SORCS1: variants seen among roughly 807,000 people sequenced by gnomAD.
SORCS1 encodes the protein sortilin related VPS10 domain containing receptor 1.
In SORCS1, 60 loss-of-function variants were observed where a neutral mutation model predicts 146.1. That is an observed-to-expected ratio of 0.41 (90% confidence interval 0.33 to 0.51). The LOEUF (loss-of-function observed/expected upper bound fraction) is 0.51. SORCS1 is among the 20% of genes least tolerant of loss of function. The pLI is 0.21. For synonymous variants in SORCS1, 637 were observed against 584.0 expected (o/e 1.09, Z -1.31); for missense variants, 1,352 against 1,487.6 (o/e 0.91, Z 1.50).
At chr10:106,632,366 T>A (rs1336221473) in intron 18 of SORCS1, among the ~76,000 whole-genome samples, 1 of 152,210 alleles carries the variant, frequency 6.6e-6, no homozygotes, top group Non-Finnish European at 1.5e-5. Context: ...AGGTAAGTGG[T>A]AAGGCTACGG....
At chr10:106,713,422 T>C (rs562879499) in intron 6 of SORCS1, among the ~76,000 whole-genome samples, 1 of 150,866 alleles carries the variant, frequency 6.6e-6, no homozygotes, top group East Asian at 1.9e-4. Flanking sequence ...TTTGTATTAG[T>C]GTCTGATGGC....
Position 106,671,275 on chromosome 10 carries a change from T to C in SORCS1, c.2151A>G (p.Glu717=). The C allele has an allele frequency of 6.2e-7, 1 of 1,614,164 alleles. No homozygotes were observed. Among genetic ancestry groups the C allele is most frequent in the South Asian group, 1.1e-5 (1 of 91,086 alleles). The part of the protein sequence containing the change: ...CMQGKYAGAM[E]SEPCVCTEAD... ...CCTCAGTGCAGACACAGGGTTCAGATTCCATAGCTCCTGCATATTTTCCTT... is the reference window on the plus strand; with the variant it reads ...CCTCAGTGCAGACACAGGGTTCAGACTCCATAGCTCCTGCATATTTTCCTT... Residue 717 remains glutamate, a synonymous_variant, in exon 16 of 26, where the codon GAA becomes GAG. Coordinates refer to ENST00000263054, the MANE Select transcript of SORCS1 (RefSeq NM_052918.5).
Position 106,620,270 on chromosome 10 carries a change from A to G in SORCS1, c.2796+158T>C, listed in dbSNP as rs1847651122. ...GGCCAGAGAGAGAGAGAGAGAGAAC[A>G]TAATGATGAGATACTTGAGCACCAA... On this transcript the variant is annotated intron_variant, in intron 20 of 25. Transcript: ENST00000263054. 4 of 824,008 alleles carry G rather than the reference A, an allele frequency of 4.9e-6. No individual in the cohort carries two copies. The South Asian group carries it at 8.6e-5, about 18-fold the overall frequency. 51.0% of individuals were successfully genotyped at this position (824,008 alleles called of 1,614,324 possible).
At chr10:106,938,885 G>T (rs764897412) in intron 2 of SORCS1, among the ~76,000 whole-genome samples, 17 of 152,130 alleles carry the variant, frequency 1.1e-4, no homozygotes, top group Non-Finnish European at 1.9e-4. Flanking sequence ...GTTATTGTAG[G>T]CTGGGACATC....
the SORCS1 span, among the ~76,000 whole-genome samples, chr10:107,170,381 G>C: frequency 6.6e-6 from 1 of 152,246 alleles, no homozygotes; most frequent in South Asian, 2.1e-4. Flanking sequence ...CTAGAGGAGA[G>C]AAGACAAAAG....
intron 1 of SORCS1, among the ~76,000 whole-genome samples, chr10:107,061,325 A>G (rs1216084611): frequency 6.6e-6 from 1 of 152,210 alleles, no homozygotes; most frequent in Non-Finnish European, 1.5e-5. Context: ...GTATCATAAC[A>G]AAAAACTACA....
chr10:106,986,511 C>CGT (rs58888609), intron 1 of SORCS1, among the ~76,000 whole-genome samples: 10,903 of 148,224 alleles, frequency 0.074, 662 homozygotes, highest in East Asian at 0.26. Flanking sequence ...TATATACAAC[C>CGT]GTGTGTGTGT....
At position 106,663,271 on chromosome 10, in the gene SORCS1, A is replaced by G. The variant is rs1013759661; in HGVS notation, c.2303+4418T>C. Among the ~76,000 whole-genome samples, 3 of 152,338 alleles carry G rather than the reference A, an allele frequency of 2.0e-5. No homozygotes were observed. In the East Asian group the frequency reaches 5.8e-4, roughly 29 times the overall value. ...ATATTTTTGAATGAAAAAGGAAAAT[A>G]GAAGAACAATGTATCTAGTAGGAAA... On this transcript the variant is annotated intron_variant, in intron 17 of 25. Coordinates refer to ENST00000263054, the MANE Select transcript of SORCS1 (RefSeq NM_052918.5).
At chr10:107,107,098 A>C (rs956746185) in intron 1 of SORCS1, among the ~76,000 whole-genome samples, 2 of 152,220 alleles carry the variant, frequency 1.3e-5, no homozygotes, top group Non-Finnish European at 2.9e-5. Flanking sequence ...GAGTGCTGCT[A>C]TCCCAAACAC....
the SORCS1 span, among the ~76,000 whole-genome samples, chr10:107,174,133 A>G: frequency 6.6e-6 from 1 of 152,110 alleles, no homozygotes; most frequent in Non-Finnish European, 1.5e-5. Context: ...ATTTTTCTGC[A>G]TTTATTTTGA....
intron 2 of SORCS1, among the ~76,000 whole-genome samples, chr10:106,892,869 G>GA (rs1409003928): frequency 1.4e-5 from 2 of 143,064 alleles, no homozygotes; most frequent in Non-Finnish European, 3.0e-5. Context: ...TAAAATCACA[G>GA]AAAAAAAAGA....
chr10:106,850,550 G>A (rs1220636864), intron 2 of SORCS1, among the ~76,000 whole-genome samples: 2 of 152,234 alleles, frequency 1.3e-5, no homozygotes, highest in East Asian at 1.9e-4. Context: ...CGTCTTCTGC[G>A]TTGCTCACGC....
intron 18 of SORCS1, among the ~76,000 whole-genome samples, chr10:106,640,282 T>C (rs1393072708): frequency 6.6e-6 from 1 of 152,218 alleles, no homozygotes; most frequent in African/African-American, 2.4e-5. Flanking sequence ...AGTCTTTCAA[T>C]GTATGTGAAA....
At chr10:106,982,437 A>T (rs1464731509) in intron 1 of SORCS1, among the ~76,000 whole-genome samples, 1 of 152,176 alleles carries the variant, frequency 6.6e-6, no homozygotes, top group Non-Finnish European at 1.5e-5. Flanking sequence ...ATTTCACAGT[A>T]TGTTAGTCCG....
At chr10:107,145,678 T>A (rs1968264889) in intron 1 of SORCS1, among the ~76,000 whole-genome samples, 1 of 152,138 alleles carries the variant, frequency 6.6e-6, no homozygotes, top group Admixed American at 6.6e-5. Context: ...TAAATCAAGG[T>A]CAGACAATTC....
At chr10:106,823,856 T>G (rs1357597997) in intron 3 of SORCS1, among the ~76,000 whole-genome samples, 1 of 152,196 alleles carries the variant, frequency 6.6e-6, no homozygotes, top group African/African-American at 2.4e-5. Context: ...GACAAGTCAC[T>G]AAACTCTCTG....
chr10:106,994,458 G>A (rs935330785), intron 1 of SORCS1, among the ~76,000 whole-genome samples: 4 of 152,136 alleles, frequency 2.6e-5, no homozygotes, highest in Admixed American at 2.6e-4. Context: ...TATCAAATAA[G>A]GATGGCATAG....
In SORCS1 at chr10:106,575,313, T is replaced by G. The variant is rs796669530; in HGVS notation, c.*2107A>C. The G allele has an allele frequency of 1.8e-4, 27 of 152,384 alleles. No individual in the cohort carries two copies. The highest frequency in any genetic ancestry group is 6.5e-4 in the African/African-American group (27 of 41,568). The allele number at this position is 152,384 out of a possible 1,614,324, so 9.4% of individuals were successfully genotyped here. ...CATAAACATCTCTGCCTGACAAACT[T>G]CTGACAGCAGCTTTGCTATTCTTTC... On this transcript the variant is annotated 3_prime_UTR_variant, in exon 26 of 26. Transcript: ENST00000263054.
the SORCS1 span, among the ~76,000 whole-genome samples, chr10:107,169,896 C>G: frequency 2.0e-5 from 3 of 152,046 alleles, no homozygotes; most frequent in Non-Finnish European, 2.9e-5. Context: ...ACAATCATTT[C>G]AGGTTTCAAA....
Sources: allele counts gnomAD v4.1 joint callset (sites outside exome capture counted in the v4.1 genomes callset), GRCh38; gene constraint gnomAD v4.1.1; transcripts MANE v1.5; gene names NCBI Gene and HGNC (gene_info 2026-07-23, HGNC 2026-07-21).